The following GALNT1 variants were observed in gnomAD, a reference collection of about 807,000 sequenced individuals.
The protein encoded by GALNT1 is polypeptide N-acetylgalactosaminyltransferase 1.
Under a neutral mutation model 65.7 loss-of-function variants are expected in GALNT1, and 17 were observed. The observed-to-expected ratio is 0.26, with a 90% CI of 0.18 to 0.39. The LOEUF (loss-of-function observed/expected upper bound fraction) is 0.39. GALNT1 is among the 10% of genes least tolerant of loss of function. The probability of loss-of-function intolerance (pLI) is 1.00; values close to 1 mark genes in which losing one functional copy is unlikely to be tolerated. For missense variants in GALNT1, 460 were observed against 672.8 expected (o/e 0.68, Z 3.50); for synonymous variants, 210 against 219.7 (o/e 0.96, Z 0.39).
At chr18:35,592,039 G>A (rs1377560189) in intron 1 of GALNT1, among the ~76,000 whole-genome samples, 2 of 152,182 alleles carry the variant, frequency 1.3e-5, no homozygotes, top group Non-Finnish European at 2.9e-5. Context: ...CATAGTTGGA[G>A]CACTGCATCT....
chr18:35,607,731 G>A (rs2046669293), intron 1 of GALNT1, among the ~76,000 whole-genome samples: 1 of 152,140 alleles, frequency 6.6e-6, no homozygotes, highest in Non-Finnish European at 1.5e-5. Flanking sequence ...GCAGTAGAAT[G>A]GAGGAAGGGT....
chr18:35,629,418 T>C (rs1190240816), intron 1 of GALNT1, among the ~76,000 whole-genome samples: 3 of 152,206 alleles, frequency 2.0e-5, no homozygotes, highest in Admixed American at 6.5e-5. Context: ...ATATTCAACA[T>C]TCTTAAAGAA....
At chr18:35,620,344 A>G (rs930656514) in intron 1 of GALNT1, among the ~76,000 whole-genome samples, 3 of 152,206 alleles carry the variant, frequency 2.0e-5, no homozygotes, top group African/African-American at 7.2e-5. Flanking sequence ...ATATTGGCCA[A>G]CCTAATCTTC....
chr18:35,682,583 T>C (rs1428623561), intron 4 of GALNT1, among the ~76,000 whole-genome samples: 1 of 152,162 alleles, frequency 6.6e-6, no homozygotes, highest in Non-Finnish European at 1.5e-5. Context: ...GTTTTCTCTT[T>C]GCTTTGAGGA....
chr18:35,596,509 G>A (rs1350935978), intron 1 of GALNT1: 1 of 152,204 alleles, frequency 6.6e-6, no homozygotes, highest in African/African-American at 2.4e-5. Flanking sequence ...TTAGGGGGAA[G>A]GGCATAGAAA....
rs751884824 is a variant in GALNT1 at position 35,687,137 on chromosome 18, C to G, written c.811C>G (p.Pro271Ala). The change falls in exon 6 of 12, where the codon CCC (proline) becomes GCC (alanine). Residue 271 changes from proline to alanine, a missense_variant. By Grantham distance (27) the Pro-to-Ala change is conservative. Coordinates refer to ENST00000269195, the MANE Select transcript of GALNT1 (RefSeq NM_020474.4). Reference sequence around the variant, plus strand: ...GCTCAATTTTCGCTGGTATCCTGTTCCCCAAAGAGAAATGGACAGAAGGAA... The same window carrying G: ...GCTCAATTTTCGCTGGTATCCTGTTGCCCAAAGAGAAATGGACAGAAGGAA... ...WKLNFRWYPVPQREMDRRKGD... is the reference protein window; with the variant it reads ...WKLNFRWYPVAQREMDRRKGD... 4 of 1,613,650 alleles carry G rather than the reference C, an allele frequency of 2.5e-6. No homozygotes were observed. Among genetic ancestry groups the G allele is most frequent in the East Asian group, 4.5e-5 (2 of 44,888 alleles).
intron 1 of GALNT1, among the ~76,000 whole-genome samples, chr18:35,631,811 T>C (rs1192138929): frequency 6.6e-6 from 1 of 152,146 alleles, no homozygotes; most frequent in East Asian, 1.9e-4. Flanking sequence ...GAAAACCCCA[T>C]CGTCTCAGCC....
chr18:35,711,178 T>C lies in GALNT1; in HGVS notation c.*1408T>C, dbSNP rs2048345841. On this transcript the variant is annotated 3_prime_UTR_variant, in exon 12 of 12. Transcript: ENST00000269195. ...TGTCAATTAAAAGGTAACCTTTTAATCTCGTAGGAGGAATCTCATTAAGAC... is the reference window on the plus strand; with the variant it reads ...TGTCAATTAAAAGGTAACCTTTTAACCTCGTAGGAGGAATCTCATTAAGAC... 1 of 152,328 alleles carries C rather than the reference T, an allele frequency of 6.6e-6. No homozygotes were observed. Among genetic ancestry groups the C allele is most frequent in the Non-Finnish European group, 1.5e-5 (1 of 68,038 alleles). 9.4% of individuals were successfully genotyped at this position (152,328 alleles called of 1,614,324 possible).
chr18:35,637,651 A>G (rs1277322264), intron 1 of GALNT1, among the ~76,000 whole-genome samples: 1 of 152,276 alleles, frequency 6.6e-6, no homozygotes, highest in Non-Finnish European at 1.5e-5. Flanking sequence ...GCAGCAAGTT[A>G]TCCAGAGGAT....
chr18:35,604,680 T>G (rs1267610144), intron 1 of GALNT1, among the ~76,000 whole-genome samples: 2 of 152,222 alleles, frequency 1.3e-5, no homozygotes, highest in Admixed American at 1.3e-4. Context: ...TGTTGAACAT[T>G]TTTTCATATG....
At chr18:35,677,134 G>C (rs1388847791) in intron 3 of GALNT1, among the ~76,000 whole-genome samples, 1 of 152,124 alleles carries the variant, frequency 6.6e-6, no homozygotes, top group East Asian at 1.9e-4. Flanking sequence ...AGAATGACTA[G>C]GAAGAGTAAG....
chr18:35,629,400 G>A (rs2046971329), intron 1 of GALNT1, among the ~76,000 whole-genome samples: 1 of 152,210 alleles, frequency 6.6e-6, no homozygotes, highest in African/African-American at 2.4e-5. Flanking sequence ...AGAAGAGAGT[G>A]GGGGCCAATA....
intron 1 of GALNT1, among the ~76,000 whole-genome samples, chr18:35,647,096 T>G (rs1426560427): frequency 3.9e-5 from 6 of 152,206 alleles, no homozygotes; most frequent in Non-Finnish European, 7.3e-5. Flanking sequence ...TCCTTTTCTT[T>G]TTCTTCAGTT....
At chr18:35,680,593 G>T (rs1224500790) in intron 4 of GALNT1, among the ~76,000 whole-genome samples, 2 of 152,206 alleles carry the variant, frequency 1.3e-5, no homozygotes, top group African/African-American at 4.8e-5. Context: ...TCTTCTCTGT[G>T]CAAACTTCCT....
In GALNT1 at chr18:35,663,717, G is replaced by C. The variant is rs1676577337; in HGVS notation, c.229G>C (p.Glu77Gln). The stretch of plus-strand genomic sequence containing the variant: ...TAAAGAGGATCAAGAAAAGATGAAA[G>C]AGATGTTTAAAATCAATCAGTTCAA... ...IPKEDQEKMK[E>Q]MFKINQFNLM... Residue 77 changes from glutamate to glutamine, a missense_variant, in exon 3 of 12, where the codon GAG becomes CAG. Glu to Gln is a conservative substitution (Grantham distance 29). Transcript: ENST00000269195. 6.2e-7 allele frequency: 1 copy of C among 1,613,852 alleles called. No individual in the cohort carries two copies. The highest frequency in any genetic ancestry group is 1.3e-5 in the African/African-American group (1 of 74,914).
At chr18:35,609,838 A>G (rs1302689069) in intron 1 of GALNT1, among the ~76,000 whole-genome samples, 1 of 152,188 alleles carries the variant, frequency 6.6e-6, no homozygotes, top group African/African-American at 2.4e-5. Context: ...CTGACATCCC[A>G]AATAATAATT....
chr18:35,646,446 G>A (rs1357386385), intron 1 of GALNT1, among the ~76,000 whole-genome samples: 1 of 152,186 alleles, frequency 6.6e-6, no homozygotes, highest in Non-Finnish European at 1.5e-5. Context: ...CTGAAGGCTT[G>A]CCTGGGGCTG....
rs1464331042 is a variant in GALNT1 at position 35,683,532 on chromosome 18, T to C, written c.623T>C (p.Leu208Pro). ...AVSKGQVITF[L>P]DAHCECTVGW... is the part of the protein sequence containing the mutation. ...TCTAAAGGCCAAGTGATCACCTTCC[T>C]GGATGCCCATTGTGAGTGTACAGTG... The change falls in exon 5 of 12, where the codon CTG becomes CCG. Residue 208 changes from leucine (L) to proline (P), a missense_variant. Physicochemically the swap from Leu to Pro is moderately conservative, Grantham distance 98 (BLOSUM62 -3). Coordinates refer to ENST00000269195, the MANE Select transcript of GALNT1 (RefSeq NM_020474.4). The C allele has an allele frequency of 6.2e-7, 1 of 1,613,838 alleles. No individual in the cohort carries two copies. Among genetic ancestry groups the C allele is most frequent in the Non-Finnish European group, 8.5e-7 (1 of 1,179,844 alleles).
At chr18:35,694,821 G>C (rs774721101) in intron 9 of GALNT1, among the ~76,000 whole-genome samples, 1 of 152,182 alleles carries the variant, frequency 6.6e-6, no homozygotes, top group Non-Finnish European at 1.5e-5. Context: ...ACGTACAATG[G>C]AATATTTTTC....
Sources: allele counts gnomAD v4.1 joint callset (sites outside exome capture counted in the v4.1 genomes callset), GRCh38; gene constraint gnomAD v4.1.1; transcripts MANE v1.5; gene names NCBI Gene and HGNC (gene_info 2026-07-23, HGNC 2026-07-21).